The following GTF2B variants were observed in gnomAD, a reference collection of about 807,000 sequenced individuals.
GTF2B encodes general transcription factor IIB.
A neutral mutation model predicts 34.6 loss-of-function variants in GTF2B; 20 were observed. The ratio of observed to expected loss-of-function variants is 0.58; its 90% CI spans 0.41 to 0.84. The LOEUF (loss-of-function observed/expected upper bound fraction) is 0.84, where lower values mean the gene tolerates loss of function less well. GTF2B is among the 40% of genes least tolerant of loss of function. The pLI is 0.00. For synonymous variants in GTF2B, 142 were observed against 132.4 expected, an observed-to-expected ratio of 1.07 and a Z score of -0.50; for missense variants, 237 against 393.3, an observed-to-expected ratio of 0.60 and a Z score of 3.36.
intron 2 of GTF2B, among the ~76,000 whole-genome samples, chr1:88,866,923 G>A (rs1349264503): frequency 2.0e-5 from 3 of 152,176 alleles, no homozygotes; most frequent in African/African-American, 4.8e-5. Context: ...CCCGAAACAA[G>A]GAGAAAAGCG....
At chr1:88,859,592 T>G (rs778289558) in intron 5 of GTF2B, among the ~76,000 whole-genome samples, 1 of 152,120 alleles carries the variant, frequency 6.6e-6, no homozygotes, top group African/African-American at 2.4e-5. Flanking sequence ...TTCTAGCACT[T>G]TGGGAGGCCA....
intron 2 of GTF2B, among the ~76,000 whole-genome samples, chr1:88,868,702 C>A (rs780294014): frequency 6.6e-6 from 1 of 151,840 alleles, no homozygotes; most frequent in East Asian, 1.9e-4. Flanking sequence ...CTGGCAATTC[C>A]ACTCTTAAGT....
At chr1:88,876,149 G>A (rs1027320043) in intron 2 of GTF2B, among the ~76,000 whole-genome samples, 7 of 152,148 alleles carry the variant, frequency 4.6e-5, no homozygotes, top group African/African-American at 9.7e-5. Flanking sequence ...ATACAAATAC[G>A]TTTATTTTAA....
chr1:88,853,239 G>A lies in GTF2B; in HGVS notation c.925C>T (p.Pro309Ser), dbSNP rs780829770. The part of the protein sequence containing the change: ...LFPTDFKFDT[P>S]VDKLPQL ...TATAGCTGTGGTAGTTTGTCCACTG[G>A]GGTGTCAAATTTGAAGTCTGTAGGA... Residue 309 changes from proline to serine, a missense_variant, in exon 7 of 7, where the codon CCA (proline) becomes TCA (serine). This residue lies in a region of GTF2B where 78 missense variants were observed against 116.6 expected (regional missense o/e 0.67). Coordinates refer to ENST00000370500, the MANE Select transcript of GTF2B (RefSeq NM_001514.6). The A allele has an allele frequency of 6.2e-7, 1 of 1,613,600 alleles. No homozygotes were observed.
intron 1 of GTF2B, among the ~76,000 whole-genome samples, chr1:88,890,928 T>A (rs910301717): frequency 1.3e-5 from 2 of 152,030 alleles, no homozygotes; most frequent in Non-Finnish European, 2.9e-5. Context: ...ACTCTTCCGA[T>A]GGCTCTAGCT....
intron 2 of GTF2B, among the ~76,000 whole-genome samples, chr1:88,877,595 A>G (rs1211221063): frequency 2.0e-5 from 3 of 152,220 alleles, no homozygotes; most frequent in African/African-American, 7.2e-5. Flanking sequence ...TAATCATACA[A>G]TTGGAATTTG....
intron 2 of GTF2B, among the ~76,000 whole-genome samples, chr1:88,868,740 CT>C (rs34808616): frequency 0.95 from 137,413 of 144,842 alleles, 65,396 homozygotes; most frequent in Non-Finnish European, 0.99. Flanking sequence ...TCTGTGTATT[CT>C]TTTTTTTTTT....
intron 3 of GTF2B, among the ~76,000 whole-genome samples, chr1:88,863,462 G>T (rs1673488824): frequency 6.6e-6 from 1 of 152,062 alleles, no homozygotes; most frequent in Non-Finnish European, 1.5e-5. Flanking sequence ...TTCTGCCTCA[G>T]CCTCGCGAGT....
At chr1:88,891,350 C>T (rs1674201552) in intron 1 of GTF2B, 133 bp downstream of exon 1, 1 of 638,226 alleles carries the variant, frequency 1.6e-6, no homozygotes. Context: ...TGTCCCGGCC[C>T]GTCGGCCAGT....
chr1:88,888,329 G>A (rs867336483), intron 1 of GTF2B, among the ~76,000 whole-genome samples: 9 of 152,190 alleles, frequency 5.9e-5, no homozygotes, highest in Middle Eastern at 3.4e-3. Flanking sequence ...TGATATCTAC[G>A]GGAAAACTGA....
chr1:88,876,075 T>TAA (rs56249946), intron 2 of GTF2B, among the ~76,000 whole-genome samples: 141,674 of 152,162 alleles, frequency 0.93, 66,072 homozygotes, highest in Admixed American at 0.96. Context: ...TTAAAAGCTG[T>TAA]ATTAGGCAAG....
intron 2 of GTF2B, among the ~76,000 whole-genome samples, chr1:88,874,242 C>A (rs1443723367): frequency 6.6e-6 from 1 of 152,122 alleles, no homozygotes; most frequent in South Asian, 2.1e-4. Context: ...GTCTGATTTT[C>A]TAGCCTGACC....
chr1:88,870,177 T>C (rs535725747), intron 2 of GTF2B, among the ~76,000 whole-genome samples: 34 of 150,736 alleles, frequency 2.3e-4, no homozygotes, highest in Admixed American at 9.2e-4. Context: ...CCACCCGCCT[T>C]GGCCTCCCAA....
chr1:88,888,060 A>C (rs1674117538), intron 1 of GTF2B: 1 of 152,250 alleles, frequency 6.6e-6, no homozygotes, highest in Non-Finnish European at 1.5e-5. Context: ...GATCTGACAG[A>C]ATCAGCTGTA....
intron 2 of GTF2B, among the ~76,000 whole-genome samples, chr1:88,876,517 A>G (rs546804753): frequency 2.0e-5 from 3 of 152,164 alleles, no homozygotes; most frequent in African/African-American, 4.8e-5. Flanking sequence ...ACAAATATTA[A>G]TAATTTTTTA....
intron 2 of GTF2B, among the ~76,000 whole-genome samples, chr1:88,865,985 C>T (rs1057331672): frequency 1.3e-5 from 2 of 151,866 alleles, no homozygotes; most frequent in Non-Finnish European, 2.9e-5. Flanking sequence ...CTAGACTATG[C>T]TAACTTTTTA....
At chr1:88,891,120 CGG>C (rs36020480) in intron 1 of GTF2B, among the ~76,000 whole-genome samples, 2 of 6,492 alleles carry the variant, frequency 3.1e-4, no homozygotes, top group African/African-American at 1.0e-3. Context: ...AAAAAACAAG[CGG>C]GGGGGGGGGC....
intron 2 of GTF2B, among the ~76,000 whole-genome samples, chr1:88,874,877 A>G (rs2100974066): frequency 6.6e-6 from 1 of 152,192 alleles, no homozygotes; most frequent in Non-Finnish European, 1.5e-5. Context: ...ATCTGAACGT[A>G]TTATTATTCA....
At chr1:88,879,533 G>A (rs888908018) in intron 2 of GTF2B, among the ~76,000 whole-genome samples, 4 of 150,244 alleles carry the variant, frequency 2.7e-5, no homozygotes, top group Admixed American at 6.7e-5. Flanking sequence ...GCAGTGAGCC[G>A]AGATAGCACC....
Sources: gnomAD v4.1 joint callset for allele counts (sites outside exome capture counted in the v4.1 genomes callset) on GRCh38, gnomAD v4.1.1 for gene constraint, gnomAD v4.1.1 regional missense constraint, MANE v1.5 for transcripts, NCBI Gene and HGNC (gene_info 2026-07-23, HGNC 2026-07-21) for gene names.